Variants in SENP1 observed in about 807,000 individuals in gnomAD.
The protein encoded by SENP1 is SUMO specific peptidase 1, also known as sentrin-specific protease 1.
In SENP1, 21 loss-of-function variants were observed where a neutral mutation model predicts 93.0. The ratio of observed to expected loss-of-function variants is 0.23; its 90% CI spans 0.16 to 0.33. SENP1 has a LOEUF of 0.33. SENP1 is among the 10% of genes least tolerant of loss of function. SENP1 has a pLI of 1.00. For missense variants in SENP1, 591 were observed against 758.7 expected (o/e 0.78, Z 2.60); for synonymous variants, 256 against 259.6 (o/e 0.99, Z 0.13).
At chr12:48,051,899 C>T (rs1941849799) in intron 13 of SENP1, among the ~76,000 whole-genome samples, 1 of 152,242 alleles carries the variant, frequency 6.6e-6, no homozygotes, top group Non-Finnish European at 1.5e-5. Context: ...ATACCACAAT[C>T]TGAGGACTAA....
At chr12:48,075,387 TTC>T (rs1943996177) in intron 6 of SENP1, among the ~76,000 whole-genome samples, 1 of 152,160 alleles carries the variant, frequency 6.6e-6, no homozygotes, top group Non-Finnish European at 1.5e-5. Context: ...AGGTAATCAC[TTC>T]TGAGTCAAAA....
chr12:48,048,337 C>T (rs531087099), intron 14 of SENP1, among the ~76,000 whole-genome samples: 6 of 152,162 alleles, frequency 3.9e-5, no homozygotes, highest in Non-Finnish European at 7.3e-5. Flanking sequence ...TCATTCTCTC[C>T]CTCTGCAAAG....
intron 17 of SENP1, among the ~76,000 whole-genome samples, chr12:48,045,629 C>T (rs1394566244): frequency 6.6e-6 from 1 of 152,024 alleles, no homozygotes; most frequent in East Asian, 1.9e-4. Flanking sequence ...CAGGCTATGC[C>T]CACGTCTCTA....
chr12:48,065,718 C>T, intron 10 of SENP1, 38 bp from the exon 11 acceptor site: 1 of 1,285,510 alleles, frequency 7.8e-7, no homozygotes. Flanking sequence ...ATGTAGACCA[C>T]TCTCATTATG....
chr12:48,060,096 A>G (rs1191867460), intron 13 of SENP1, among the ~76,000 whole-genome samples: 1 of 152,116 alleles, frequency 6.6e-6, no homozygotes, highest in Non-Finnish European at 1.5e-5. Context: ...CCCACCCTAG[A>G]AAGCTGGGGA....
intron 13 of SENP1, 91 bp downstream of exon 13, chr12:48,063,619 G>GGACC: frequency 2.3e-6 from 3 of 1,313,654 alleles, no homozygotes; most frequent in African/African-American, 1.5e-5. Context: ...GGTCATCCAT[G>GGACC]GACCACATTT....
intron 13 of SENP1, among the ~76,000 whole-genome samples, chr12:48,051,158 C>A (rs932369280): frequency 6.6e-5 from 10 of 151,680 alleles, no homozygotes; most frequent in Non-Finnish European, 1.0e-4. Flanking sequence ...GGAAAGAGTT[C>A]CAGAAACCAA....
intron 12 of SENP1, among the ~76,000 whole-genome samples, chr12:48,064,093 A>G (rs1003981273): frequency 1.3e-5 from 2 of 152,094 alleles, no homozygotes; most frequent in African/African-American, 4.8e-5. Flanking sequence ...TTCCATATTA[A>G]TTCCTAAAGT....
rs1460024914 is a variant in SENP1, at chr12:48,056,519, T to TATATTAC, written c.1407+7184_1407+7190dup. On this transcript the variant is annotated intron_variant, in intron 13 of 17. Coordinates refer to ENST00000549518, the MANE Select transcript of SENP1 (RefSeq NM_001267594.2). The stretch of plus-strand genomic sequence containing the variant: ...TTACATATATAAATATATTATTTAA[T>TATATTAC]ATATTACATATATAAATATATTATT... 8.3e-5 allele frequency among the ~76,000 whole-genome samples: 5 copies of TATATTAC among 60,530 alleles called. 1 individual carries two copies. The highest frequency in any genetic ancestry group is 1.2e-4 in the Non-Finnish European group (5 of 40,562). The allele number at this position is 60,530 out of a possible 152,430, so 39.7% of individuals were successfully genotyped here.
intron 6 of SENP1, among the ~76,000 whole-genome samples, chr12:48,077,073 G>A (rs1187790686): frequency 6.6e-6 from 1 of 152,186 alleles, no homozygotes; most frequent in Non-Finnish European, 1.5e-5. Flanking sequence ...AGAACATGCA[G>A]CATTTGGTTT....
At chr12:48,085,438 C>T (rs967389824) in intron 5 of SENP1, 5 of 864,526 alleles carry the variant, frequency 5.8e-6, no homozygotes, top group South Asian at 5.2e-5. Flanking sequence ...TGTGTGAGGA[C>T]TCCTCACAGC....
chr12:48,075,216 A>AAAAAACAAAAC (rs373633255), intron 6 of SENP1, among the ~76,000 whole-genome samples: 10 of 150,332 alleles, frequency 6.7e-5, no homozygotes, highest in South Asian at 6.4e-4. Flanking sequence ...CTCTGTCTCA[A>AAAAAACAAAAC]AAAACAAAAC....
At chr12:48,098,642 T>G (rs1592484028) in intron 2 of SENP1, among the ~76,000 whole-genome samples, 1 of 81,904 alleles carries the variant, frequency 1.2e-5, no homozygotes, top group African/African-American at 5.5e-5. Flanking sequence ...AAACTCCATC[T>G]CAAAAAAAAA....
chr12:48,045,873 C>T (rs1309475095), intron 17 of SENP1, among the ~76,000 whole-genome samples: 1 of 152,136 alleles, frequency 6.6e-6, no homozygotes, highest in East Asian at 1.9e-4. Context: ...AATCTCAATC[C>T]ACTTTGGTCT....
chr12:48,056,327 A>AAT (rs201396268), intron 13 of SENP1, among the ~76,000 whole-genome samples: 38,454 of 90,834 alleles, frequency 0.42, 8,127 homozygotes, highest in East Asian at 0.68. Context: ...CACATATATA[A>AAT]ATATTATTTA....
Position 48,063,704 on chromosome 12 carries a change from C to T in SENP1, c.1407+6G>A, listed in dbSNP as rs2136949943. On this transcript the variant is annotated splice_donor_region_variant and intron_variant, in intron 13 of 17. Coordinates refer to ENST00000549518, the MANE Select transcript of SENP1 (RefSeq NM_001267594.2). ...TATTTGTATGTAAAAATAGATGCAA[C>T]ATTACCTCATCATTGAGCCAATTCA... 1.2e-6 allele frequency: 2 copies of T among 1,609,532 alleles called. No homozygotes were observed. Among genetic ancestry groups the T allele is most frequent in the Non-Finnish European group, 1.7e-6 (2 of 1,177,492 alleles).
chr12:48,083,464 G>T, intron 6 of SENP1, 127 bp downstream of exon 6: 1 of 761,944 alleles, frequency 1.3e-6, no homozygotes. Context: ...GAGTAATTCA[G>T]ACAGAAAAAG....
At chr12:48,089,940 T>C (rs1945116627) in intron 4 of SENP1, among the ~76,000 whole-genome samples, 1 of 152,254 alleles carries the variant, frequency 6.6e-6, no homozygotes, top group Non-Finnish European at 1.5e-5. Flanking sequence ...ATGTATCTTT[T>C]CATGCTCTAT....
chr12:48,069,107 T>A (rs537168644), intron 9 of SENP1, among the ~76,000 whole-genome samples: 2 of 137,952 alleles, frequency 1.4e-5, no homozygotes, highest in Non-Finnish European at 1.5e-5. Context: ...GAGCAGAGAT[T>A]GTGCCACTGC....
Sources: allele counts gnomAD v4.1 joint callset (sites outside exome capture counted in the v4.1 genomes callset), GRCh38; gene constraint gnomAD v4.1.1; transcripts MANE v1.5; gene names NCBI Gene and HGNC (gene_info 2026-07-23, HGNC 2026-07-21).